ZMYM3: variants seen among roughly 807,000 people sequenced by gnomAD.
The protein encoded by ZMYM3 is zinc finger MYM-type protein 3.
ZMYM3 carries 6 observed loss-of-function variants against 94.2 expected under a neutral mutation model. The observed-to-expected ratio is 0.06, with a 90% CI of 0.03 to 0.13. The LOEUF (loss-of-function observed/expected upper bound fraction) is 0.13, where lower values mean the gene tolerates loss of function less well. ZMYM3 is among the 10% of genes least tolerant of loss of function. ZMYM3 has a pLI of 1.00. For missense variants in ZMYM3, 664 were observed against 1,132.6 expected, an observed-to-expected ratio of 0.59 and a Z score of 5.94; for synonymous variants, 420 against 426.5, an observed-to-expected ratio of 0.98 and a Z score of 0.19.
intron 11 of ZMYM3, 34 bp from the exon 12 acceptor site, chrX:71,247,940 GAC>G: frequency 1.7e-6 from 2 of 1,158,446 alleles, no homozygotes; most frequent in South Asian, 2.0e-5. Flanking sequence ...AGAGTCCAGA[GAC>G]ACAGATACCC....
At chrX:71,255,099 T>TCTCTCTCTCTCTCC (rs1490576114), upstream of ZMYM3, 3 of 55,732 alleles carry the variant, frequency 5.4e-5, no homozygotes, top group Non-Finnish European at 6.1e-5. Context: ...TCTCTCTCTC[T>TCTCTCTCTCTCTCC]CTCTCTCTCT....
In ZMYM3 at chrX:71,248,259, A is replaced by C. The variant is rs766264694; in HGVS notation, c.1878T>G (p.Leu626=). Residue 626 remains leucine, a synonymous_variant, in exon 11 of 25, where the codon CTT becomes CTG. Coordinates refer to ENST00000314425, the MANE Select transcript of ZMYM3 (RefSeq NM_201599.3). ...CRDCCEDFKR[L]RGVVSQCEHC... ...GCTCACACTGGGACACCACACCCCGAAGCCGCTTGAAGTCCTCACAGCAAT... is the reference window on the plus strand; with the variant it reads ...GCTCACACTGGGACACCACACCCCGCAGCCGCTTGAAGTCCTCACAGCAAT... 1.6e-5 allele frequency: 19 copies of C among 1,206,548 alleles called. No homozygotes were observed. Among genetic ancestry groups the C allele is most frequent in the Non-Finnish European group, 6.7e-6 (6 of 893,362 alleles).
In ZMYM3 at chrX:71,254,118, G is replaced by C. The variant is rs1370919403; in HGVS notation, c.-109C>G. The C allele has an allele frequency of 9.0e-6, 1 of 111,660 alleles. No homozygotes were observed. The highest frequency in any genetic ancestry group is 3.3e-5 in the African/African-American group (1 of 30,731). 9.2% of individuals were successfully genotyped at this position (111,660 alleles called of 1,213,427 possible). ...TTCTCTACCTCCCTCCCTAGCAGCC[G>C]GGACAGGGGTCGCGGCCCCTTTAAA... On this transcript the variant is annotated 5_prime_UTR_variant, in exon 1 of 25. Transcript: ENST00000314425.
chrX:71,242,879 G>T, intron 22 of ZMYM3, 91 bp downstream of exon 22: 1 of 880,874 alleles, frequency 1.1e-6, no homozygotes, highest in Non-Finnish European at 1.6e-6. Context: ...CCTTTGTGAA[G>T]AGTGGCAGAC....
intron 15 of ZMYM3, 72 bp downstream of exon 15, chrX:71,246,281 G>A: frequency 1.7e-6 from 2 of 1,178,575 alleles, no homozygotes; most frequent in African/African-American, 1.7e-5. Context: ...CCCTTGTCCA[G>A]CTCACGGACA....
chrX:71,253,337 T>C (rs1398622308), intron 1 of ZMYM3, 63 bp from the exon 2 acceptor site: 1 of 910,012 alleles, frequency 1.1e-6, no homozygotes, highest in Non-Finnish European at 1.5e-6. Flanking sequence ...CCTTCTTATA[T>C]AGGCTCTGAG....
At chrX:71,244,516 G>A (rs760316760) in intron 19 of ZMYM3, 46 bp from the exon 20 acceptor site, 2 of 1,186,437 alleles carry the variant, frequency 1.7e-6, no homozygotes, top group Admixed American at 2.3e-5. Flanking sequence ...TAAGGCCAGA[G>A]GCAAGGTGAA....
In ZMYM3 at chrX:71,244,610, G is replaced by A. The variant is rs766138189; in HGVS notation, c.3112-140C>T. The A allele has an allele frequency of 8.2e-6, 7 of 850,353 alleles. No individual in the cohort carries two copies. In the South Asian group the frequency reaches 1.3e-4, roughly 16 times the overall value. The allele number at this position is 850,353 out of a possible 1,213,427, so 70.1% of individuals were successfully genotyped here. On this transcript the variant is annotated intron_variant, in intron 19 of 24. Transcript: ENST00000314425. ...AAGCTTCCATAGCACAGAGCCCCAG[G>A]AACAGCTTTGATGACCTTGTGAGAT...
intron 9 of ZMYM3, 36 bp from the exon 10 acceptor site, chrX:71,248,560 ATG>A: frequency 8.4e-7 from 1 of 1,192,938 alleles, no homozygotes; most frequent in Non-Finnish European, 1.1e-6. Flanking sequence ...GAGGGGCAAG[ATG>A]TGTGCAGCGG....
chrX:71,253,390 A>C (rs1033196702), intron 1 of ZMYM3, 116 bp from the exon 2 acceptor site: 4 of 556,205 alleles, frequency 7.2e-6, no homozygotes, highest in Non-Finnish European at 1.1e-5. Flanking sequence ...AGCAGCCCCC[A>C]CCACCACAAT....
Position 71,248,818 on chromosome X carries a change from AAG to A in ZMYM3, c.1622-19_1622-18del. 8.6e-7 allele frequency: 1 copy of A among 1,165,466 alleles called. No individual in the cohort carries two copies. ...GGGGAGGGCCTGGGGCATAGAGAGAAAGAGAGAGAGGAAAAGAGAAAGAGAGA... is the reference window on the plus strand; with the variant it reads ...GGGGAGGGCCTGGGGCATAGAGAGAAAGAGAGAGGAAAAGAGAAAGAGAGA... On this transcript the variant is annotated intron_variant, in intron 8 of 24. Transcript: ENST00000314425.
At chrX:71,253,327 C>A in intron 1 of ZMYM3, 53 bp from the exon 2 acceptor site, 1 of 970,425 alleles carries the variant, frequency 1.0e-6, no homozygotes, top group Non-Finnish European at 1.4e-6. Flanking sequence ...AGCCTGAATT[C>A]CTTCTTATAT....
At chrX:71,255,135 T>TCTCTCTCTCTCTCTCTCTCTCTCTCTCC (rs2030705891), upstream of ZMYM3, 1 of 94,551 alleles carries the variant, frequency 1.1e-5, no homozygotes, top group Admixed American at 1.2e-4. Flanking sequence ...TCTCTCTCTC[T>TCTCTCTCTCTCTCTCTCTCTCTCTCTCC]CTCTCTCTCT....
chrX:71,241,282 G>A lies in ZMYM3; in HGVS notation c.3865C>T (p.Arg1289Cys), dbSNP rs1341278839. Residue 1289 changes from arginine (R) to cysteine (C), a missense_variant, in exon 24 of 25, where the codon CGC becomes TGC. Physicochemically the swap from Arg to Cys is radical, Grantham distance 180 (BLOSUM62 -3). This residue lies in a region of ZMYM3 where 58 missense variants were observed against 112.4 expected (regional missense o/e 0.52). Coordinates refer to ENST00000314425, the MANE Select transcript of ZMYM3 (RefSeq NM_201599.3). ...ACAGGGCAGCGGAGGGGATTCATGC[G>A]GTTCTCACGCTGCTCTAAGATAGGG... ...EAPILEQREN[R>C]MNPLRCPVKF... The A allele has an allele frequency of 8.3e-7, 1 of 1,208,382 alleles. No homozygotes were observed. Among genetic ancestry groups the A allele is most frequent in the Admixed American group, 2.2e-5 (1 of 45,720 alleles).
rs1330690125 is a variant in ZMYM3 at position 71,244,434 on chromosome X, G to A, written c.3148C>T (p.Arg1050Trp). Reference sequence around the variant, plus strand: ...CTAGGCTGACTGCTCATGGAGTCCCGGGAGCAGCTTTCGGAAAGCACCAGC... The same window carrying A: ...CTAGGCTGACTGCTCATGGAGTCCCAGGAGCAGCTTTCGGAAAGCACCAGC... The part of the protein sequence containing the change: ...KRLVLSESCS[R>W]DSMSSQPSCT... The change falls in exon 20 of 25, where the codon CGG (arginine) becomes TGG (tryptophan). Residue 1050 changes from arginine (R) to tryptophan (W), a missense_variant. Transcript: ENST00000314425. The A allele has an allele frequency of 3.3e-6, 4 of 1,211,414 alleles. No individual in the cohort carries two copies. The highest frequency in any genetic ancestry group is 2.2e-5 in the Admixed American group (1 of 45,974).
At position 71,247,349 on chromosome X, in the gene ZMYM3, C is replaced by G; in HGVS notation, c.2310G>C (p.Leu770=). ...TACCCCCTGCCTGGGACTCACTGTT[C>G]AGGAGGCTCTCGGGCCCACTCTGGG... The part of the protein sequence containing the change: ...LDTQSGPESL[L]NSQSPESKPQ... Residue 770 remains leucine (L), a synonymous_variant, in exon 13 of 25, where the codon CTG becomes CTC. Transcript: ENST00000314425. The G allele has an allele frequency of 8.4e-7, 1 of 1,189,830 alleles. No homozygotes were observed.
In ZMYM3 at chrX:71,253,070, G is replaced by T. The variant is rs765997122; in HGVS notation, c.186C>A (p.Thr62=). ...CAGGGTCTTTTTCCAGGCCAGCAGGGGTATCAAGCAGGTCCAGGGCTCCCG... is the reference window on the plus strand; with the variant it reads ...CAGGGTCTTTTTCCAGGCCAGCAGGTGTATCAAGCAGGTCCAGGGCTCCCG... ...PSSGALDLLD[T]PAGLEKDPGV... The change falls in exon 2 of 25, where the codon ACC becomes ACA. Residue 62 remains threonine, a synonymous_variant. Transcript: ENST00000314425. 1.7e-6 allele frequency: 2 copies of T among 1,200,640 alleles called. No individual in the cohort carries two copies. The highest frequency in any genetic ancestry group is 3.6e-5 in the South Asian group (2 of 55,312).
In ZMYM3 at chrX:71,248,797, A is replaced by G. The variant is rs1418874122; in HGVS notation, c.1626T>C (p.Pro542=). The change falls in exon 9 of 25, where the codon CCT becomes CCC. Residue 542 remains proline (P), a synonymous_variant. Coordinates refer to ENST00000314425, the MANE Select transcript of ZMYM3 (RefSeq NM_201599.3). ...YKVKQAGLTG[P]PRPCSFCRRS... ...GGCGGCAGAAGCTGCAGGGTCGGGG[A>G]GGGCCTGGGGCATAGAGAGAAAGAG... 1 of 1,196,356 alleles carries G rather than the reference A, an allele frequency of 8.4e-7. No homozygotes were observed. The highest frequency in any genetic ancestry group is 2.3e-5 in the Admixed American group (1 of 44,380).
At chrX:71,246,753 C>G in intron 13 of ZMYM3, 61 bp from the exon 14 acceptor site, 1 of 1,077,906 alleles carries the variant, frequency 9.3e-7, no homozygotes, top group South Asian at 2.1e-5. Context: ...TTTCCTTACC[C>G]CTGTTCCAGG....
Sources: allele counts gnomAD v4.1 joint callset, GRCh38; gene constraint gnomAD v4.1.1; regional missense constraint gnomAD v4.1.1; transcripts MANE v1.5; gene names NCBI Gene and HGNC (gene_info 2026-07-23, HGNC 2026-07-21).